Variants in CDH18 observed in about 807,000 individuals in gnomAD.
CDH18 encodes the protein cadherin 18, also known as cadherin-18.
A neutral mutation model predicts 67.9 loss-of-function variants in CDH18; 31 were observed. The observed-to-expected ratio is 0.46, with a 90% CI of 0.34 to 0.62. CDH18 has a LOEUF of 0.62. Ranked by LOEUF, CDH18 falls within the 20% of genes least tolerant of loss-of-function variation. The probability of loss-of-function intolerance (pLI) is 0.01; values close to 1 mark genes in which losing one functional copy is unlikely to be tolerated. For missense variants in CDH18, 890 were observed against 975.5 expected (o/e 0.91, Z 1.17); for synonymous variants, 362 against 347.2 (o/e 1.04, Z -0.48).
At chr5:19,827,343 A>C (rs906502178) in intron 3 of CDH18, among the ~76,000 whole-genome samples, 3 of 147,678 alleles carry the variant, frequency 2.0e-5, no homozygotes, top group African/African-American at 7.5e-5. Flanking sequence ...AAAAAAAAAA[A>C]CTTAAAATAT....
rs574529795 is a variant in CDH18 at position 19,891,218 on chromosome 5, G to A, written c.-256-51976C>T. 1.8e-3 allele frequency among the ~76,000 whole-genome samples: 278 copies of A among 152,182 alleles called. 1 individual carries two copies. Among genetic ancestry groups the A allele is most frequent in the African/African-American group, 6.4e-3 (266 of 41,536 alleles). ...ATCTTTCTATCTCGTTCAAGTGACA[G>A]TGCACCTCCAAAATAAAATGTGCTG... On this transcript the variant is annotated intron_variant, in intron 2 of 12. Coordinates refer to ENST00000382275, the MANE Select transcript of CDH18 (RefSeq NM_004934.5).
rs775501160 is a variant in CDH18 at position 19,972,199 on chromosome 5, C to A, written c.-257+8861G>T. 3.9e-5 allele frequency among the ~76,000 whole-genome samples: 6 copies of A among 151,984 alleles called. No individual in the cohort carries two copies. The East Asian group carries it at 9.6e-4, about 24-fold the overall frequency. On this transcript the variant is annotated intron_variant, in intron 2 of 12. Coordinates refer to ENST00000382275, the MANE Select transcript of CDH18 (RefSeq NM_004934.5). ...TTTTTAGCACAGCCTTTGTTTTTCT[C>A]ATTTATATATTATCCTCACAAGTTG...
At chr5:20,534,405 T>C (rs996073123) in intron 1 of CDH18, among the ~76,000 whole-genome samples, 1 of 152,068 alleles carries the variant, frequency 6.6e-6, no homozygotes, top group African/African-American at 2.4e-5. Context: ...AAATAATATA[T>C]TTTTGAAATG....
chr5:19,984,476 T>G (rs575236824), intron 1 of CDH18, among the ~76,000 whole-genome samples: 1 of 152,288 alleles, frequency 6.6e-6, no homozygotes, highest in South Asian at 2.1e-4. Context: ...TATTAGAAAT[T>G]TAGATGTTCA....
chr5:19,964,055 T>C (rs1269198950), intron 2 of CDH18, among the ~76,000 whole-genome samples: 1 of 151,994 alleles, frequency 6.6e-6, no homozygotes, highest in Non-Finnish European at 1.5e-5. Flanking sequence ...CAATTTAAGA[T>C]GGGATTTGAG....
At chr5:19,742,572 G>C (rs981467658) in intron 4 of CDH18, among the ~76,000 whole-genome samples, 9 of 151,862 alleles carry the variant, frequency 5.9e-5, no homozygotes, top group African/African-American at 1.9e-4. Context: ...CCACAAGCAG[G>C]GCCCCCTGTC....
At chr5:19,764,321 A>T (rs897613413) in intron 3 of CDH18, among the ~76,000 whole-genome samples, 3 of 152,126 alleles carry the variant, frequency 2.0e-5, no homozygotes, top group African/African-American at 7.2e-5. Flanking sequence ...TTAAAATAAT[A>T]GTATAAATGT....
chr5:19,514,492 T>A (rs1342273864), intron 10 of CDH18, among the ~76,000 whole-genome samples: 2 of 152,178 alleles, frequency 1.3e-5, no homozygotes, highest in Non-Finnish European at 2.9e-5. Context: ...TTTCTCCACA[T>A]CCTCTCCAGC....
At chr5:19,971,472 T>C (rs1798009227) in intron 2 of CDH18, among the ~76,000 whole-genome samples, 1 of 151,998 alleles carries the variant, frequency 6.6e-6, no homozygotes, top group South Asian at 2.1e-4. Context: ...TATAAAAAGA[T>C]AGTTTGTTTA....
intron 1 of CDH18, among the ~76,000 whole-genome samples, chr5:20,319,306 C>T (rs1463823120): frequency 1.3e-5 from 2 of 152,080 alleles, no homozygotes; most frequent in Admixed American, 1.3e-4. Context: ...TAAGTTAAAA[C>T]CAAATTATGA....
chr5:19,800,552 G>A (rs1366571122), intron 3 of CDH18, among the ~76,000 whole-genome samples: 6 of 151,920 alleles, frequency 3.9e-5, no homozygotes, highest in African/African-American at 1.5e-4. Flanking sequence ...AGTTAATGAG[G>A]ACAAGAATAA....
chr5:19,815,556 C>A (rs1779201207), intron 3 of CDH18, among the ~76,000 whole-genome samples: 1 of 123,562 alleles, frequency 8.1e-6, no homozygotes, highest in Non-Finnish European at 1.8e-5. Flanking sequence ...TATTAAATAT[C>A]TTCATATTAA....
intron 2 of CDH18, among the ~76,000 whole-genome samples, chr5:20,188,775 T>A (rs1738298947): frequency 6.6e-6 from 1 of 151,232 alleles, no homozygotes. Flanking sequence ...TAATCTAGGC[T>A]TTTGCAGCCA....
At chr5:20,163,541 T>A (rs1252612558) in intron 2 of CDH18, among the ~76,000 whole-genome samples, 1 of 152,198 alleles carries the variant, frequency 6.6e-6, no homozygotes, top group East Asian at 1.9e-4. Context: ...TTTATCATTC[T>A]ATGTATCTAT....
At chr5:20,392,507 T>A (rs1744945655) in intron 1 of CDH18, among the ~76,000 whole-genome samples, 1 of 151,910 alleles carries the variant, frequency 6.6e-6, no homozygotes, top group Non-Finnish European at 1.5e-5. Context: ...TAGCTAAAAT[T>A]TTCTTATAAC....
intron 2 of CDH18, among the ~76,000 whole-genome samples, chr5:19,855,489 ATTT>A (rs757010292): frequency 6.6e-6 from 1 of 151,698 alleles, no homozygotes; most frequent in Non-Finnish European, 1.5e-5. Context: ...ATTTTATTTT[ATTT>A]TTTTTCTTGT....
chr5:20,393,726 C>T (rs1177072803), intron 1 of CDH18, among the ~76,000 whole-genome samples: 1 of 151,864 alleles, frequency 6.6e-6, no homozygotes, highest in Non-Finnish European at 1.5e-5. Flanking sequence ...TATACACCAA[C>T]AACAATCAAG....
intron 1 of CDH18, among the ~76,000 whole-genome samples, chr5:20,412,606 G>T (rs1186186603): frequency 6.6e-6 from 1 of 152,080 alleles, no homozygotes; most frequent in South Asian, 2.1e-4. Flanking sequence ...ATCCAACAAA[G>T]AACCCATGCC....
intron 2 of CDH18, among the ~76,000 whole-genome samples, chr5:20,039,437 C>T (rs138696507): frequency 0.011 from 1,745 of 152,252 alleles, 39 homozygotes; most frequent in African/African-American, 0.04. Flanking sequence ...CACTACCTGA[C>T]TTCAAACTAT....
Sources: allele counts gnomAD v4.1 joint callset (sites outside exome capture counted in the v4.1 genomes callset), GRCh38; gene constraint gnomAD v4.1.1; transcripts MANE v1.5; gene names NCBI Gene and HGNC (gene_info 2026-07-23, HGNC 2026-07-21).